Variants in SLC19A1 observed in about 807,000 individuals in gnomAD.
The protein encoded by SLC19A1 is reduced folate transporter.
SLC19A1 carries 37 observed loss-of-function variants against 35.3 expected under a neutral mutation model. The ratio of observed to expected loss-of-function variants is 1.05; its 90% CI spans 0.81 to 1.38. SLC19A1 has a LOEUF of 1.38. Ranked by LOEUF, SLC19A1 falls within the 40% of genes most tolerant of loss-of-function variation. SLC19A1 has a pLI of 0.00. For missense variants in SLC19A1, 831 were observed against 826.9 expected (o/e 1.00, Z -0.06); for synonymous variants, 460 against 398.5 (o/e 1.15, Z -1.84).
Position 45,531,642 on chromosome 21 carries a change from A to G in SLC19A1, c.696T>C (p.Pro232=), listed in dbSNP as rs12659. 0.58 allele frequency: 930,670 copies of G among 1,611,988 alleles called. 269,684 individuals carry two copies. The highest frequency in any genetic ancestry group is 0.64 in the South Asian group (58,062 of 91,064). Residue 232 remains proline (P), a synonymous_variant, in exon 3 of 6, where the codon CCT becomes CCC. Transcript: ENST00000311124. ...TSASELERMN[P]GPGGKLGHAL... is the part of the protein sequence containing the mutation. ...CGTGTCCCAGCTTCCCGCCTGGGCC[A>G]GGATTCATGCGCTCCAGCTCCGAAG...
Position 45,533,450 on chromosome 21 carries a change from C to T in SLC19A1, c.190-1302G>A, listed in dbSNP as rs997781553. On this transcript the variant is annotated intron_variant, in intron 2 of 5. Coordinates refer to ENST00000311124, the MANE Select transcript of SLC19A1 (RefSeq NM_194255.4). This position sits in a 1 kb window ranked among gnomAD's most constrained non-coding sequence, Gnocchi z 4.5. ...TGGGCACAGTCCAGAGGAAGAGGCC[C>T]CACCCCTGTGAGGCCAAGCCGCTTG... Among the ~76,000 whole-genome samples, 2 of 152,196 alleles carry T rather than the reference C, an allele frequency of 1.3e-5. No homozygotes were observed. Among genetic ancestry groups the T allele is most frequent in the African/African-American group, 2.4e-5 (1 of 41,450 alleles).
At position 45,517,380 on chromosome 21, in the gene SLC19A1, G is replaced by A. The variant is rs1221335125; in HGVS notation, c.1294-1240C>T. Among the ~76,000 whole-genome samples, 5 of 151,830 alleles carry A rather than the reference G, an allele frequency of 3.3e-5. No homozygotes were observed. Among genetic ancestry groups the A allele is most frequent in the East Asian group, 3.9e-4 (2 of 5,112 alleles). ...AAGGACCCCCCACCCTCGCCAGCCT[G>A]TAACAAGGACCCCCGAGTCCCCTGC... is the stretch of plus-strand genomic sequence containing the variant. On this transcript the variant is annotated intron_variant, in intron 5 of 5. Coordinates refer to ENST00000311124, the MANE Select transcript of SLC19A1 (RefSeq NM_194255.4). This position sits in a 1 kb window ranked among gnomAD's most constrained non-coding sequence, Gnocchi z 4.4.
At chr21:45,503,859 G>C (rs556084484) in intron 3 of SLC19A1, 1 of 627,858 alleles carries the variant, frequency 1.6e-6, no homozygotes, top group African/African-American at 1.8e-5. Flanking sequence ...GAAAGTATCG[G>C]TTAACTAGGA....
downstream of SLC19A1, among the ~76,000 whole-genome samples, chr21:45,509,162 G>C (rs1320866206): frequency 6.6e-6 from 1 of 152,032 alleles, no homozygotes; most frequent in African/African-American, 2.4e-5. Flanking sequence ...CCCGCGATCC[G>C]GCGCCACGGC....
At chr21:45,538,139 C>T (rs2078192681) in intron 1 of SLC19A1, 131 bp from the exon 2 acceptor site, 1 of 520,824 alleles carries the variant, frequency 1.9e-6, no homozygotes, top group South Asian at 2.9e-5. Context: ...AATGCAGACC[C>T]CAGACCCATC....
chr21:45,536,681 T>C (rs1309314773), intron 2 of SLC19A1, among the ~76,000 whole-genome samples: 1 of 152,132 alleles, frequency 6.6e-6, no homozygotes, highest in Admixed American at 6.5e-5. Context: ...TTCACAATTC[T>C]AGGGTCTGGG....
intron 1 of SLC19A1, among the ~76,000 whole-genome samples, chr21:45,556,807 C>T (rs898241732): frequency 6.6e-6 from 1 of 150,888 alleles, no homozygotes. Flanking sequence ...GGGAGAGAGG[C>T]GGGGTGGAGG....
upstream of SLC19A1, among the ~76,000 whole-genome samples, chr21:45,549,058 C>T (rs1318851618): frequency 6.6e-6 from 1 of 152,218 alleles, no homozygotes; most frequent in Non-Finnish European, 1.5e-5. Flanking sequence ...GATGTGAATG[C>T]ATGATCCCAC....
intron 3 of SLC19A1, chr21:45,504,423 A>G (rs772034671): frequency 1.1e-5 from 18 of 1,611,610 alleles, no homozygotes; most frequent in Non-Finnish European, 1.4e-5. Flanking sequence ...CAGGGGGAGA[A>G]GGGAGACCGA....
At chr21:45,542,966 CA>C (rs1262164074), upstream of SLC19A1, among the ~76,000 whole-genome samples, 3 of 152,056 alleles carry the variant, frequency 2.0e-5, no homozygotes, top group African/African-American at 7.2e-5. Context: ...CAGGGACACG[CA>C]CAGCCTGCTC....
intron 5 of SLC19A1, among the ~76,000 whole-genome samples, chr21:45,525,281 C>A (rs1279100255): frequency 6.6e-6 from 1 of 152,234 alleles, no homozygotes; most frequent in Non-Finnish European, 1.5e-5. Context: ...TCACACCACG[C>A]CCACCATGGC....
intron 2 of SLC19A1, among the ~76,000 whole-genome samples, chr21:45,537,338 C>T (rs1312756328): frequency 6.6e-6 from 1 of 152,204 alleles, no homozygotes; most frequent in African/African-American, 2.4e-5. Context: ...GCCACTCACC[C>T]GCTCCAGCCT....
chr21:45,531,918 G>T lies in SLC19A1; in HGVS notation c.420C>A (p.Ile140=). The change falls in exon 3 of 6, where the codon ATC becomes ATA. Residue 140 remains isoleucine, a synonymous_variant. Transcript: ENST00000311124. ...AGCGCGCGGGCCGCACGAGAGAGAA[G>T]ATGTAGGAGGAATAGGCGATGCGCG... The part of the protein sequence containing the change: ...MAARIAYSSY[I]FSLVRPARYQ... 6.3e-7 allele frequency: 1 copy of T among 1,597,406 alleles called. No individual in the cohort carries two copies. Among genetic ancestry groups the T allele is most frequent in the Non-Finnish European group, 8.5e-7 (1 of 1,172,628 alleles).
chr21:45,523,443 CACCAGG>C (rs1045415845), intron 5 of SLC19A1, among the ~76,000 whole-genome samples: 1 of 152,224 alleles, frequency 6.6e-6, no homozygotes, highest in Admixed American at 6.5e-5. Flanking sequence ...TCCACGGCCA[CACCAGG>C]ACCAGGACCA....
At chr21:45,555,204 CAGGGGGCGGT>C (rs1470179027) in intron 1 of SLC19A1, among the ~76,000 whole-genome samples, 1 of 14,262 alleles carries the variant, frequency 7.0e-5, no homozygotes, top group African/African-American at 3.3e-4. Context: ...GGGGGCGGCG[CAGGGGGCGGT>C]GGGGGGCGCC....
chr21:45,524,748 G>A (rs1333845968), intron 5 of SLC19A1, among the ~76,000 whole-genome samples: 2 of 97,878 alleles, frequency 2.0e-5, no homozygotes, highest in South Asian at 4.5e-4. Flanking sequence ...TGCCCTAAGC[G>A]TTCACCCCTG....
intron 5 of SLC19A1, among the ~76,000 whole-genome samples, chr21:45,524,781 G>A (rs1241025979): frequency 2.4e-5 from 3 of 127,574 alleles, no homozygotes; most frequent in Non-Finnish European, 3.4e-5. Context: ...TCATCACCCT[G>A]AGTGTTCACG....
intron 1 of SLC19A1, among the ~76,000 whole-genome samples, chr21:45,562,036 C>G (rs1002823357): frequency 6.8e-6 from 1 of 146,852 alleles, no homozygotes; most frequent in African/African-American, 2.5e-5. Flanking sequence ...GAGGCTGAGG[C>G]AGGAGAATCA....
rs2077994599 is a variant in SLC19A1 at position 45,533,261 on chromosome 21, C to T, written c.190-1113G>A. On this transcript the variant is annotated intron_variant, in intron 2 of 5. Coordinates refer to ENST00000311124, the MANE Select transcript of SLC19A1 (RefSeq NM_194255.4). The surrounding 1 kb of genome is among the most constrained non-coding windows in gnomAD (Gnocchi z 4.5). Reference sequence around the variant, plus strand: ...CTTCCATGCCTGTGGCCTCAACACACATCCACCTTCCATGGGAACGTGGAG... The same window carrying T: ...CTTCCATGCCTGTGGCCTCAACACATATCCACCTTCCATGGGAACGTGGAG... Among the ~76,000 whole-genome samples, 1 of 146,244 alleles carries T rather than the reference C, an allele frequency of 6.8e-6. No individual in the cohort carries two copies. The highest frequency in any genetic ancestry group is 1.5e-5 in the Non-Finnish European group (1 of 65,702).
Sources: gnomAD v4.1 joint callset for allele counts (sites outside exome capture counted in the v4.1 genomes callset) on GRCh38, gnomAD v4.1.1 for gene constraint, Gnocchi (gnomAD v3.1) non-coding constraint, MANE v1.5 for transcripts, NCBI Gene and HGNC (gene_info 2026-07-23, HGNC 2026-07-21) for gene names.